HPGD: variants seen among roughly 807,000 people sequenced by gnomAD.
HPGD encodes the protein 15-hydroxyprostaglandin dehydrogenase [NAD(+)].
HPGD carries 29 observed loss-of-function variants against 30.0 expected under a neutral mutation model. The observed-to-expected ratio is 0.97, with a 90% CI of 0.72 to 1.32. The LOEUF is 1.32. Among genes scored for constraint, HPGD ranks in the 40% most tolerant of loss-of-function variants. HPGD has a pLI of 0.00. For missense variants in HPGD, 340 were observed against 322.1 expected (o/e 1.06, Z -0.43); for synonymous variants, 99 against 112.4 (o/e 0.88, Z 0.75).
chr4:174,495,412 T>C, intron 5 of HPGD, 136 bp downstream of exon 5: 1 of 703,656 alleles, frequency 1.4e-6, no homozygotes, highest in Non-Finnish European at 2.6e-6. Context: ...TGATAACTTT[T>C]TATAATTGAG....
intron 3 of HPGD, among the ~76,000 whole-genome samples, chr4:174,511,923 G>A (rs915459056): frequency 6.6e-6 from 1 of 152,192 alleles, no homozygotes; most frequent in Non-Finnish European, 1.5e-5. Flanking sequence ...TGGGATTACA[G>A]GCGTGAGTCA....
At chr4:174,508,502 CA>C (rs2110832206) in intron 4 of HPGD, among the ~76,000 whole-genome samples, 193 bp downstream of exon 4, 1 of 152,126 alleles carries the variant, frequency 6.6e-6, no homozygotes, top group South Asian at 2.1e-4. Flanking sequence ...TTAAAAGCCA[CA>C]AGTTAAATTA....
chr4:174,518,177 C>T, intron 2 of HPGD, 100 bp from the exon 3 acceptor site: 3 of 659,262 alleles, frequency 4.6e-6, no homozygotes, highest in Non-Finnish European at 8.1e-6. Flanking sequence ...TATTTACCCT[C>T]ATAGTGAAAG....
At chr4:174,495,212 C>T in intron 5 of HPGD, 1 of 335,902 alleles carries the variant, frequency 3.0e-6, no homozygotes, top group South Asian at 2.7e-5. Context: ...CAAATAATGG[C>T]TGGGGCCTAT....
At chr4:174,514,478 G>T (rs1282979620) in intron 3 of HPGD, among the ~76,000 whole-genome samples, 2 of 152,096 alleles carry the variant, frequency 1.3e-5, no homozygotes, top group Non-Finnish European at 2.9e-5. Flanking sequence ...TTAATTAAAA[G>T]ATTTTAGGTA....
intron 3 of HPGD, among the ~76,000 whole-genome samples, chr4:174,510,655 T>C (rs773092630): frequency 6.6e-6 from 1 of 152,228 alleles, no homozygotes; most frequent in Non-Finnish European, 1.5e-5. Context: ...TCATCCATTA[T>C]CAGGTTAAGA....
In HPGD at chr4:174,491,669, C is replaced by G. The variant is rs562287206; in HGVS notation, c.*287G>C. 1 of 357,432 alleles carries G rather than the reference C, an allele frequency of 2.8e-6. No individual in the cohort carries two copies. Among genetic ancestry groups the G allele is most frequent in the African/African-American group, 2.1e-5 (1 of 48,394 alleles). 22.1% of individuals were successfully genotyped at this position (357,432 alleles called of 1,614,324 possible). On this transcript the variant is annotated 3_prime_UTR_variant, in exon 7 of 7. Transcript: ENST00000296522. ...TATTTATGAAGCACAGATATAAATA[C>G]ACTTTCTGAAAGGCAGAATATTGAA...
At chr4:174,505,954 C>T (rs1490006773) in intron 4 of HPGD, among the ~76,000 whole-genome samples, 4 of 152,122 alleles carry the variant, frequency 2.6e-5, no homozygotes, top group Non-Finnish European at 5.9e-5. Flanking sequence ...GTACCAGTGC[C>T]AGGAAAGTAA....
chr4:174,522,671 C>T, upstream of HPGD: 2 of 467,166 alleles, frequency 4.3e-6, no homozygotes, highest in Non-Finnish European at 7.5e-6. Flanking sequence ...TCTTTGCCTT[C>T]CGGACTCGCA....
chr4:174,509,137 T>G (rs2555629), intron 3 of HPGD, among the ~76,000 whole-genome samples: 52,327 of 152,036 alleles, frequency 0.34, 9,173 homozygotes, highest in East Asian at 0.41. Context: ...AAATGTTGGA[T>G]GCAAAATTTA....
In HPGD at chr4:174,522,258, C is replaced by T. The variant is rs867746931; in HGVS notation, c.93+101G>A. 5.6e-5 allele frequency: 76 copies of T among 1,366,134 alleles called. No individual in the cohort carries two copies. In the African/African-American group the frequency reaches 8.6e-4, roughly 15 times the overall value. 84.6% of individuals were successfully genotyped at this position (1,366,134 alleles called of 1,614,324 possible). A position where few individuals can be genotyped will look rare whatever the true frequency, so the allele number is the denominator to read the frequency against. ...TTTTGGAAGTGGCAAAGTGGGCACGCCGGGCGCGGCCTCCCTGTCTCCGCC... is the reference window on the plus strand; with the variant it reads ...TTTTGGAAGTGGCAAAGTGGGCACGTCGGGCGCGGCCTCCCTGTCTCCGCC... On this transcript the variant is annotated intron_variant, in intron 1 of 6. Transcript: ENST00000296522.
intron 2 of HPGD, 151 bp downstream of exon 2, chr4:174,521,792 CG>C (rs1736138366): frequency 2.4e-6 from 2 of 850,962 alleles, no homozygotes; most frequent in East Asian, 2.4e-5. Context: ...CAGAAGGAAA[CG>C]TATCAGTCCA....
chr4:174,519,773 C>T (rs1175614857), intron 2 of HPGD, among the ~76,000 whole-genome samples: 2 of 152,102 alleles, frequency 1.3e-5, no homozygotes, highest in Non-Finnish European at 2.9e-5. Flanking sequence ...CCCTATTTCC[C>T]TTTGCTGACT....
At chr4:174,504,214 T>C (rs113235886) in intron 4 of HPGD, among the ~76,000 whole-genome samples, 1 of 152,318 alleles carries the variant, frequency 6.6e-6, no homozygotes, top group East Asian at 1.9e-4. Flanking sequence ...ATTTTAGCAC[T>C]TCTACCTTAA....
intron 4 of HPGD, among the ~76,000 whole-genome samples, chr4:174,501,825 TA>T (rs1734915024): frequency 6.6e-6 from 1 of 152,190 alleles, no homozygotes; most frequent in African/African-American, 2.4e-5. Context: ...TTAGTTCTTC[TA>T]TTCTTCATAA....
upstream of HPGD, chr4:174,522,523 C>T (rs1474990238): frequency 2.5e-6 from 3 of 1,220,142 alleles, no homozygotes; most frequent in East Asian, 5.7e-5. Context: ...TTATGCCCCC[C>T]TGCGCGCGCG....
At chr4:174,504,868 C>T (rs1474163213) in intron 4 of HPGD, among the ~76,000 whole-genome samples, 3 of 151,992 alleles carry the variant, frequency 2.0e-5, no homozygotes, top group South Asian at 2.1e-4. Flanking sequence ...GTGCATTTGA[C>T]TCATGAGATG....
intron 2 of HPGD, among the ~76,000 whole-genome samples, chr4:174,518,586 T>C (rs1457150610): frequency 6.6e-6 from 1 of 152,214 alleles, no homozygotes; most frequent in African/African-American, 2.4e-5. Flanking sequence ...TCAGATCTAT[T>C]ATGCATGTTT....
At chr4:174,508,244 G>A in intron 4 of HPGD, 1 of 646,750 alleles carries the variant, frequency 1.5e-6, no homozygotes, top group Non-Finnish European at 2.8e-6. Flanking sequence ...TATACTACAT[G>A]TAAGTTTGGC....
Sources: gnomAD v4.1 joint callset for allele counts (sites outside exome capture counted in the v4.1 genomes callset) on GRCh38, gnomAD v4.1.1 for gene constraint, MANE v1.5 for transcripts, NCBI Gene and HGNC (gene_info 2026-07-23, HGNC 2026-07-21) for gene names.